The following REEP1 variants were observed in gnomAD, a reference collection of about 807,000 sequenced individuals.
REEP1 encodes receptor expression-enhancing protein 1.
A neutral mutation model predicts 40.3 loss-of-function variants in REEP1; 22 were observed. The ratio of observed to expected loss-of-function variants is 0.55; its 90% CI spans 0.39 to 0.78. The LOEUF (loss-of-function observed/expected upper bound fraction) is 0.78. REEP1 is among the 30% of genes least tolerant of loss of function. The pLI, the probability that REEP1 is intolerant of heterozygous loss-of-function variation, is 0.00. For synonymous variants in REEP1, 116 were observed against 139.2 expected (o/e 0.83, Z 1.17); for missense variants, 280 against 361.1 (o/e 0.78, Z 1.82).
At chr2:86,299,923 A>G (rs1441963790) in intron 1 of REEP1, among the ~76,000 whole-genome samples, 1 of 152,222 alleles carries the variant, frequency 6.6e-6, no homozygotes, top group African/African-American at 2.4e-5. Context: ...TAATACAAGT[A>G]CACCAGTAAA....
At chr2:86,334,743 G>A (rs1162500604) in intron 1 of REEP1, among the ~76,000 whole-genome samples, 1 of 152,182 alleles carries the variant, frequency 6.6e-6, no homozygotes, top group Non-Finnish European at 1.5e-5. Context: ...AGGCTGGGTG[G>A]CCCTCAGGGA....
chr2:86,226,463 CTTTTCTTT>C (rs1674708512), intron 7 of REEP1, among the ~76,000 whole-genome samples: 2 of 28,960 alleles, frequency 6.9e-5, no homozygotes, highest in Non-Finnish European at 2.4e-4. Flanking sequence ...GTGGCTTTTT[CTTTTCTTT>C]TTTTTTTTTT....
intron 1 of REEP1, among the ~76,000 whole-genome samples, chr2:86,318,256 A>T (rs1680116238): frequency 6.6e-6 from 1 of 152,220 alleles, no homozygotes; most frequent in African/African-American, 2.4e-5. Flanking sequence ...ACTGTAAGAC[A>T]GACCAACCAC....
At chr2:86,232,230 AAC>A (rs762807115) in intron 6 of REEP1, among the ~76,000 whole-genome samples, 1 of 152,178 alleles carries the variant, frequency 6.6e-6, no homozygotes, top group Non-Finnish European at 1.5e-5. Flanking sequence ...GTGAGAAGAC[AAC>A]ACTTAGGTAT....
At chr2:86,302,244 C>T (rs983276500) in intron 1 of REEP1, among the ~76,000 whole-genome samples, 3 of 152,238 alleles carry the variant, frequency 2.0e-5, no homozygotes, top group Non-Finnish European at 2.9e-5. Flanking sequence ...TGAGGGCCAA[C>T]CTCCCAGCCT....
At chr2:86,240,740 A>C (rs1675625699) in intron 5 of REEP1, among the ~76,000 whole-genome samples, 2 of 152,216 alleles carry the variant, frequency 1.3e-5, no homozygotes, top group African/African-American at 4.8e-5. Context: ...AGGATGTTGA[A>C]TGATGAGAAC....
chr2:86,290,163 A>AT (rs1160834403), intron 1 of REEP1, among the ~76,000 whole-genome samples: 2 of 151,932 alleles, frequency 1.3e-5, no homozygotes, highest in Non-Finnish European at 2.9e-5. Context: ...CGCCCAGCTG[A>AT]TTTTTGTATT....
chr2:86,274,751 G>C (rs867580080), intron 2 of REEP1, among the ~76,000 whole-genome samples: 2 of 152,166 alleles, frequency 1.3e-5, no homozygotes, highest in Admixed American at 6.5e-5. Context: ...AACTCTCCTG[G>C]ACAAATGGAA....
At chr2:86,279,248 A>C (rs1677926265) in intron 2 of REEP1, among the ~76,000 whole-genome samples, 1 of 152,238 alleles carries the variant, frequency 6.6e-6, no homozygotes, top group African/African-American at 2.4e-5. Context: ...TTGAGATTAC[A>C]GCGCTGAAGA....
intron 2 of REEP1, among the ~76,000 whole-genome samples, chr2:86,268,750 A>T (rs1677280005): frequency 6.6e-6 from 1 of 152,210 alleles, no homozygotes; most frequent in South Asian, 2.1e-4. Flanking sequence ...AATAATCAAG[A>T]CCATGTGCAA....
intron 3 of REEP1, among the ~76,000 whole-genome samples, chr2:86,258,561 G>T (rs1016114516): frequency 4.6e-5 from 7 of 152,110 alleles, no homozygotes; most frequent in African/African-American, 1.7e-4. Context: ...TGCTGCCTCT[G>T]GAATCATCAC....
At chr2:86,218,892 C>G (rs1674266098) in intron 8 of REEP1, among the ~76,000 whole-genome samples, 1 of 152,246 alleles carries the variant, frequency 6.6e-6, no homozygotes, top group South Asian at 2.1e-4. Flanking sequence ...CAAGGCATCT[C>G]CCCATATAAG....
At chr2:86,311,938 A>G (rs60067772) in intron 1 of REEP1, among the ~76,000 whole-genome samples, 4,589 of 152,202 alleles carry the variant, frequency 0.03, 120 homozygotes, top group East Asian at 0.071. Flanking sequence ...GACAAGACGG[A>G]ACTAGATGAC....
At chr2:86,307,431 A>G (rs939153784) in intron 1 of REEP1, among the ~76,000 whole-genome samples, 5 of 152,124 alleles carry the variant, frequency 3.3e-5, no homozygotes, top group Non-Finnish European at 7.4e-5. Flanking sequence ...ACTTAAGTAA[A>G]TTGTGTTCAA....
chr2:86,278,293 T>TC (rs777689603), intron 2 of REEP1, among the ~76,000 whole-genome samples: 1 of 152,218 alleles, frequency 6.6e-6, no homozygotes, highest in Admixed American at 6.5e-5. Context: ...ATTCTTTCTC[T>TC]CCCCACTAAA....
At chr2:86,308,272 G>A (rs1040161565) in intron 1 of REEP1, among the ~76,000 whole-genome samples, 1 of 152,208 alleles carries the variant, frequency 6.6e-6, no homozygotes, top group Non-Finnish European at 1.5e-5. Context: ...AAAAAAGGGG[G>A]CAAGCATATT....
chr2:86,330,391 C>G (rs923925789), intron 1 of REEP1, among the ~76,000 whole-genome samples: 2 of 150,540 alleles, frequency 1.3e-5, no homozygotes, highest in Non-Finnish European at 3.0e-5. Context: ...TAGTATGTGA[C>G]TCTCCCTACC....
chr2:86,277,603 G>A (rs980079416), intron 2 of REEP1, among the ~76,000 whole-genome samples: 1 of 150,966 alleles, frequency 6.6e-6, no homozygotes, highest in Non-Finnish European at 1.5e-5. Context: ...GCCCTACAGA[G>A]GCAAAACTGC....
chr2:86,248,422 T>C (rs1028407024), intron 5 of REEP1, among the ~76,000 whole-genome samples: 1 of 151,860 alleles, frequency 6.6e-6, no homozygotes, highest in East Asian at 1.9e-4. Flanking sequence ...GTTTATTTTA[T>C]TTATTTATTT....
Sources: gnomAD v4.1 joint callset for allele counts (sites outside exome capture counted in the v4.1 genomes callset) on GRCh38, gnomAD v4.1.1 for gene constraint, MANE v1.5 for transcripts, NCBI Gene and HGNC (gene_info 2026-07-23, HGNC 2026-07-21) for gene names.